The following PTP4A2 variants were observed in gnomAD, a reference collection of about 807,000 sequenced individuals.
PTP4A2 encodes the protein protein tyrosine phosphatase 4A2.
PTP4A2 carries 2 observed loss-of-function variants against 22.9 expected under a neutral mutation model. That is an observed-to-expected ratio of 0.09 (90% CI 0.04 to 0.27). PTP4A2 has a LOEUF of 0.27. PTP4A2 is among the 10% of genes least tolerant of loss of function. PTP4A2 has a pLI of 1.00. For missense variants in PTP4A2, 103 were observed against 205.1 expected, an observed-to-expected ratio of 0.50 and a Z score of 3.04; for synonymous variants, 68 against 69.1, an observed-to-expected ratio of 0.98 and a Z score of 0.08.
chr1:31,922,375 CGGGAGGCTG>C (rs1249795322), intron 1 of PTP4A2, among the ~76,000 whole-genome samples: 1 of 152,050 alleles, frequency 6.6e-6, no homozygotes, highest in Non-Finnish European at 1.5e-5. Flanking sequence ...CCCACCTACT[CGGGAGGCTG>C]AGGCAGGAGA....
intron 3 of PTP4A2, chr1:31,913,713 T>C (rs1004392515): frequency 2.3e-6 from 1 of 435,062 alleles, no homozygotes; most frequent in Non-Finnish European, 4.6e-6. Context: ...CTGGAATAAA[T>C]CTTAGGCCTA....
chr1:31,914,387 A>C (rs771685365), intron 3 of PTP4A2: 4 of 398,992 alleles, frequency 1.0e-5, no homozygotes, highest in Non-Finnish European at 2.0e-5. Context: ...TTTTTAAAAC[A>C]CATTTGGCTA....
At chr1:31,922,622 CTTTCTTTCTTTCTTT>C (rs1307611569) in intron 1 of PTP4A2, among the ~76,000 whole-genome samples, 1 of 111,020 alleles carries the variant, frequency 9.0e-6, no homozygotes, top group African/African-American at 4.9e-5. Context: ...TTCTTTCTTT[CTTTCTTTCTTTCTTT>C]TATTTATTTT....
At chr1:31,931,313 A>G (rs2124264337) in intron 1 of PTP4A2, among the ~76,000 whole-genome samples, 1 of 152,362 alleles carries the variant, frequency 6.6e-6, no homozygotes, top group South Asian at 2.1e-4. Flanking sequence ...TGAAGGAACC[A>G]TGGTAGTGTG....
chr1:31,920,829 C>T (rs955945502), intron 1 of PTP4A2, among the ~76,000 whole-genome samples: 1 of 152,060 alleles, frequency 6.6e-6, no homozygotes, highest in Admixed American at 6.6e-5. Context: ...TGAACTACTG[C>T]GCCTGGCCCA....
intron 2 of PTP4A2, among the ~76,000 whole-genome samples, 156 bp from the exon 3 acceptor site, chr1:31,916,143 G>A (rs1019426668): frequency 2.6e-5 from 4 of 151,598 alleles, no homozygotes; most frequent in African/African-American, 9.7e-5. Flanking sequence ...TAAGGAGTTC[G>A]AGACCAGCCT....
chr1:31,933,981 C>A (rs72665002), intron 1 of PTP4A2: 12 of 151,998 alleles, frequency 7.9e-5, no homozygotes, highest in Admixed American at 7.9e-4. Context: ...GATCCTGGGC[C>A]GCGCGGTGGC....
rs1000417986 is a variant in PTP4A2, at chr1:31,907,610, C to A, written c.*1242G>T. On this transcript the variant is annotated 3_prime_UTR_variant, in exon 6 of 6. Transcript: ENST00000647444. ...AAAAACCTAGTAATAACAAGGCAAT[C>A]AGTGGTTAAACTGAACTTTACATAT... The A allele has an allele frequency of 2.0e-5, 3 of 151,892 alleles. No individual in the cohort carries two copies. Among genetic ancestry groups the A allele is most frequent in the South Asian group, 2.1e-4 (1 of 4,822 alleles). 9.4% of individuals were successfully genotyped at this position (151,892 alleles called of 1,614,324 possible). A position where few individuals can be genotyped will look rare whatever the true frequency, so the allele number is the denominator to read the frequency against.
chr1:31,916,891 C>CT (rs1651876525), intron 2 of PTP4A2, among the ~76,000 whole-genome samples: 1 of 151,954 alleles, frequency 6.6e-6, no homozygotes, highest in African/African-American at 2.4e-5. Context: ...TTGTTAAATT[C>CT]TTTTTGCTTA....
Position 31,908,151 on chromosome 1 carries a change from T to TC in PTP4A2, c.*700_*701insG. 8.9e-4 allele frequency: 1 copy of TC among 1,124 alleles called. No homozygotes were observed. The highest frequency in any genetic ancestry group is 2.0e-3 in the Non-Finnish European group (1 of 508). 0.1% of individuals were successfully genotyped at this position (1,124 alleles called of 1,614,324 possible). Reference sequence around the variant, plus strand: ...ATATATATATTATATTATATATATATATATATATATATATATATATATATA... The same window carrying TC: ...ATATATATATTATATTATATATATATCATATATATATATATATATATATATA... On this transcript the variant is annotated 3_prime_UTR_variant, in exon 6 of 6. Transcript: ENST00000647444.
intron 1 of PTP4A2, among the ~76,000 whole-genome samples, chr1:31,920,817 C>A (rs536631389): frequency 2.0e-5 from 3 of 152,056 alleles, no homozygotes; most frequent in African/African-American, 7.2e-5. Flanking sequence ...GGATTACAGG[C>A]GTGAACTACT....
At chr1:31,916,553 A>G (rs1442726499) in intron 2 of PTP4A2, among the ~76,000 whole-genome samples, 1 of 152,134 alleles carries the variant, frequency 6.6e-6, no homozygotes, top group Non-Finnish European at 1.5e-5. Context: ...GTTCACATAC[A>G]CTGCAACCTA....
chr1:31,937,486 C>G (rs2124289765), intron 1 of PTP4A2, among the ~76,000 whole-genome samples: 1 of 151,992 alleles, frequency 6.6e-6, no homozygotes, highest in Admixed American at 6.6e-5. Context: ...CCGGCACACC[C>G]TACCACACTC....
chr1:31,922,810 C>T (rs1199326365), intron 1 of PTP4A2, among the ~76,000 whole-genome samples: 1 of 152,002 alleles, frequency 6.6e-6, no homozygotes, highest in African/African-American at 2.4e-5. Context: ...TCTGTAGCAA[C>T]AAGGTTTCAC....
At chr1:31,937,304 G>A (rs566909799) in intron 1 of PTP4A2, among the ~76,000 whole-genome samples, 1 of 152,076 alleles carries the variant, frequency 6.6e-6, no homozygotes, top group Non-Finnish European at 1.5e-5. Flanking sequence ...GAAGATCATA[G>A]TGCCGCTGGA....
At chr1:31,916,894 T>C (rs971400727) in intron 2 of PTP4A2, among the ~76,000 whole-genome samples, 6 of 152,222 alleles carry the variant, frequency 3.9e-5, no homozygotes, top group African/African-American at 1.4e-4. Flanking sequence ...TTAAATTCTT[T>C]TTGCTTATCT....
intron 1 of PTP4A2, among the ~76,000 whole-genome samples, chr1:31,928,201 A>T (rs962333538): frequency 1.4e-5 from 2 of 143,256 alleles, no homozygotes; most frequent in African/African-American, 5.1e-5. Flanking sequence ...ACATATATTT[A>T]TATATTATAA....
chr1:31,919,959 G>A (rs567091260), intron 1 of PTP4A2, among the ~76,000 whole-genome samples: 9 of 135,518 alleles, frequency 6.6e-5, no homozygotes, highest in South Asian at 5.0e-4. Flanking sequence ...AAACCCCGTC[G>A]CTACTAAAAA....
At chr1:31,927,440 T>C (rs1008578461) in intron 1 of PTP4A2, among the ~76,000 whole-genome samples, 1 of 152,062 alleles carries the variant, frequency 6.6e-6, no homozygotes. Flanking sequence ...ACAAAATCAT[T>C]TGTACGCCAA....
Sources: gnomAD v4.1 joint callset for allele counts (sites outside exome capture counted in the v4.1 genomes callset) on GRCh38, gnomAD v4.1.1 for gene constraint, MANE v1.5 for transcripts, NCBI Gene and HGNC (gene_info 2026-07-23, HGNC 2026-07-21) for gene names.